The following AUTS2 variants were observed in gnomAD, a reference collection of about 807,000 sequenced individuals.
AUTS2 encodes the protein activator of transcription and developmental regulator AUTS2.
AUTS2 carries 17 observed loss-of-function variants against 112.4 expected under a neutral mutation model. The ratio of observed to expected loss-of-function variants is 0.15; its 90% CI spans 0.10 to 0.23. AUTS2 has a LOEUF of 0.23. AUTS2 is among the 10% of genes least tolerant of loss of function. The pLI, the probability that AUTS2 is intolerant of heterozygous loss-of-function variation, is 1.00. For missense variants in AUTS2, 1,510 were observed against 1,701.6 expected (o/e 0.89, Z 1.98); for synonymous variants, 751 against 702.7 (o/e 1.07, Z -1.09).
At chr7:69,615,215 G>A (rs746616464) in intron 1 of AUTS2, among the ~76,000 whole-genome samples, 1 of 152,172 alleles carries the variant, frequency 6.6e-6, no homozygotes, top group East Asian at 1.9e-4. Flanking sequence ...AAGAAACATA[G>A]TGTGAAGATG....
chr7:70,440,757 G>T (rs1796092902), intron 5 of AUTS2, among the ~76,000 whole-genome samples: 1 of 152,200 alleles, frequency 6.6e-6, no homozygotes. Flanking sequence ...AAGAGCACGT[G>T]TACTGTCCTG....
chr7:69,910,141 G>A (rs879794368), intron 2 of AUTS2, among the ~76,000 whole-genome samples: 3 of 152,218 alleles, frequency 2.0e-5, no homozygotes, highest in Admixed American at 6.5e-5. Context: ...AAACATGGCA[G>A]TAGGAAGGAT....
chr7:70,242,007 T>C (rs1291949545), intron 4 of AUTS2, among the ~76,000 whole-genome samples: 2 of 152,172 alleles, frequency 1.3e-5, no homozygotes, highest in African/African-American at 4.8e-5. Context: ...AGTTTGGATA[T>C]GGTACAGCCC....
chr7:70,398,967 T>C (rs1794206585), intron 4 of AUTS2, among the ~76,000 whole-genome samples: 1 of 151,464 alleles, frequency 6.6e-6, no homozygotes, highest in African/African-American at 2.4e-5. Flanking sequence ...ATGAAGAAAA[T>C]CATATGGTCT....
At chr7:70,118,010 A>G (rs1312361450) in intron 2 of AUTS2, 122 bp from the exon 3 acceptor site, 1 of 1,226,190 alleles carries the variant, frequency 8.2e-7, no homozygotes, top group African/African-American at 1.6e-5. Flanking sequence ...TGCCTCCGAA[A>G]GTGCTGGGAT....
At chr7:70,759,876 T>C (rs1421669222) in intron 6 of AUTS2, among the ~76,000 whole-genome samples, 2 of 152,192 alleles carry the variant, frequency 1.3e-5, no homozygotes, top group East Asian at 1.9e-4. Context: ...GTGAATGATA[T>C]ACTCCAAGTG....
Position 70,763,351 on chromosome 7 carries a change from C to T in AUTS2, c.1214+10C>T. The stretch of plus-strand genomic sequence containing the variant: ...GCCTCAACAGTTTAAGGTGAGTGGC[C>T]TGCTCTTCTTTGGCCTGACTTTTGC... On this transcript the variant is annotated intron_variant, in intron 7 of 18. Transcript: ENST00000342771. 3 of 1,535,578 alleles carry T rather than the reference C, an allele frequency of 2.0e-6. No individual in the cohort carries two copies. The highest frequency in any genetic ancestry group is 2.6e-6 in the Non-Finnish European group (3 of 1,138,880).
At chr7:70,375,390 G>C (rs1167029968) in intron 4 of AUTS2, among the ~76,000 whole-genome samples, 3 of 152,138 alleles carry the variant, frequency 2.0e-5, no homozygotes, top group African/African-American at 7.2e-5. Flanking sequence ...TGGCAATGGT[G>C]AACCAGCCTC....
chr7:70,429,804 T>C (rs2130799746), intron 4 of AUTS2, among the ~76,000 whole-genome samples: 1 of 152,344 alleles, frequency 6.6e-6, no homozygotes, highest in South Asian at 2.1e-4. Context: ...CAAAAGTAAT[T>C]GTCGTAACAT....
chr7:70,107,866 G>C (rs1219112624), intron 2 of AUTS2, among the ~76,000 whole-genome samples: 2 of 151,246 alleles, frequency 1.3e-5, no homozygotes, highest in Non-Finnish European at 2.9e-5. Flanking sequence ...ACAAAAATTC[G>C]CTGGGCATGG....
At chr7:69,659,198 C>T (rs1415459778) in intron 1 of AUTS2, among the ~76,000 whole-genome samples, 1 of 152,114 alleles carries the variant, frequency 6.6e-6, no homozygotes, top group Non-Finnish European at 1.5e-5. Flanking sequence ...ACATGACTAA[C>T]TGGAACTATT....
At chr7:70,358,197 A>G (rs928890412) in intron 4 of AUTS2, among the ~76,000 whole-genome samples, 5 of 152,226 alleles carry the variant, frequency 3.3e-5, no homozygotes, top group African/African-American at 9.6e-5. Flanking sequence ...ATCAGCCCTC[A>G]CCCTGGTAAC....
Position 70,118,190 on chromosome 7 carries a change from C to A in AUTS2, c.581C>A (p.Ser194Tyr). Residue 194 changes from serine to tyrosine, a missense_variant, in exon 3 of 19, where the codon TCC (serine) becomes TAC (tyrosine). By Grantham distance (144) the Ser-to-Tyr change is moderately radical. This residue lies in a region of AUTS2 where 535 missense variants were observed against 594.3 expected (regional missense o/e 0.90). Transcript: ENST00000342771. ...GACAGTGAAAGTGCCAGTGGAGAAT[C>A]CAAGGGCTTCCACCGGAGCAGCTCT... ...DSDSESASGE[S>Y]KGFHRSSSRE... 6.2e-7 allele frequency: 1 copy of A among 1,609,386 alleles called. No individual in the cohort carries two copies. The highest frequency in any genetic ancestry group is 8.5e-7 in the Non-Finnish European group (1 of 1,178,624).
At chr7:70,156,763 G>C (rs999789893) in intron 4 of AUTS2, among the ~76,000 whole-genome samples, 1 of 151,428 alleles carries the variant, frequency 6.6e-6, no homozygotes, top group African/African-American at 2.4e-5. Context: ...GAAAAAGCAA[G>C]TCAAGGCCTG....
chr7:70,417,994 C>A (rs527793365), intron 4 of AUTS2, among the ~76,000 whole-genome samples: 2 of 152,194 alleles, frequency 1.3e-5, no homozygotes, highest in African/African-American at 4.8e-5. Flanking sequence ...TTGGACCTCC[C>A]TGGGATTGGG....
chr7:70,382,815 TCTTC>T (rs1793431205), intron 4 of AUTS2, among the ~76,000 whole-genome samples: 2 of 152,214 alleles, frequency 1.3e-5, no homozygotes, highest in Non-Finnish European at 1.5e-5. Context: ...ATGGTCATTC[TCTTC>T]CTTTTTTATT....
Position 70,165,704 on chromosome 7 carries a change from T to C in AUTS2, c.660+31133T>C, listed in dbSNP as rs375832283. ...CAGATAGCAGGAGTACGCTGCTCTA[T>C]AGAAAGAACATTTTGTTCTACACAA... On this transcript the variant is annotated intron_variant, in intron 4 of 18. Coordinates refer to ENST00000342771, the MANE Select transcript of AUTS2 (RefSeq NM_015570.4). Among the ~76,000 whole-genome samples the C allele has an allele frequency of 6.6e-5, 10 of 152,330 alleles. No individual in the cohort carries two copies. In the East Asian group the frequency reaches 1.7e-3, roughly 26 times the overall value.
intron 1 of AUTS2, among the ~76,000 whole-genome samples, chr7:69,846,676 T>TA (rs1489212627): frequency 2.0e-5 from 3 of 152,176 alleles, no homozygotes; most frequent in Non-Finnish European, 4.4e-5. Flanking sequence ...TGGGTTCAAG[T>TA]AATTCTCATG....
chr7:70,068,099 A>C (rs1453005607), intron 2 of AUTS2, among the ~76,000 whole-genome samples: 1 of 152,144 alleles, frequency 6.6e-6, no homozygotes, highest in African/African-American at 2.4e-5. Flanking sequence ...ATGAATTGAA[A>C]ACAGAAAGAA....
Sources: allele counts gnomAD v4.1 joint callset (sites outside exome capture counted in the v4.1 genomes callset), GRCh38; gene constraint gnomAD v4.1.1; regional missense constraint gnomAD v4.1.1; transcripts MANE v1.5; gene names NCBI Gene and HGNC (gene_info 2026-07-23, HGNC 2026-07-21).